ASCC1: variants seen among roughly 807,000 people sequenced by gnomAD.
The protein encoded by ASCC1 is activating signal cointegrator 1 complex subunit 1.
In ASCC1, 35 loss-of-function variants were observed where a neutral mutation model predicts 46.6. The ratio of observed to expected loss-of-function variants is 0.75; its 90% confidence interval spans 0.57 to 0.99. The LOEUF is 0.99. Ranked by LOEUF, ASCC1 falls within the 50% of genes least tolerant of loss-of-function variation. ASCC1 has a pLI of 0.00. For missense variants in ASCC1, 376 were observed against 428.7 expected, an observed-to-expected ratio of 0.88 and a Z score of 1.09; for synonymous variants, 143 against 146.6, an observed-to-expected ratio of 0.98 and a Z score of 0.18.
chr10:72,138,671 T>C (rs771996365), intron 7 of ASCC1, among the ~76,000 whole-genome samples: 3 of 148,754 alleles, frequency 2.0e-5, no homozygotes, highest in Non-Finnish European at 4.5e-5. Context: ...TGGCGCAATC[T>C]TGGCTCACTG....
chr10:72,214,182 G>C (rs1449625708), intron 1 of ASCC1, among the ~76,000 whole-genome samples: 3 of 150,780 alleles, frequency 2.0e-5, no homozygotes, highest in Admixed American at 1.3e-4. Flanking sequence ...GCGAAACCCT[G>C]TCTCTCAAAA....
chr10:72,172,783 TTA>T (rs1014714282), intron 5 of ASCC1, among the ~76,000 whole-genome samples: 1 of 135,626 alleles, frequency 7.4e-6, no homozygotes, highest in Admixed American at 8.3e-5. Context: ...ATTTTTTATA[TTA>T]TATATTATAT....
chr10:72,181,966 G>A (rs187937979), intron 5 of ASCC1, among the ~76,000 whole-genome samples: 4 of 152,276 alleles, frequency 2.6e-5, no homozygotes, highest in African/African-American at 7.2e-5. Flanking sequence ...GATTACAGGT[G>A]TGAGCCACCG....
At chr10:72,110,551 G>A (rs997467719) in intron 9 of ASCC1, among the ~76,000 whole-genome samples, 1 of 152,250 alleles carries the variant, frequency 6.6e-6, no homozygotes, top group African/African-American at 2.4e-5. Context: ...CACTTTGGGA[G>A]GCCGAGGTGG....
intron 3 of ASCC1, among the ~76,000 whole-genome samples, chr10:72,207,372 C>G (rs1276786208): frequency 6.6e-6 from 1 of 152,194 alleles, no homozygotes; most frequent in East Asian, 1.9e-4. Context: ...CCAGATCGTG[C>G]CACTGCACTC....
At chr10:72,193,109 A>G (rs567080972) in intron 5 of ASCC1, among the ~76,000 whole-genome samples, 3 of 152,352 alleles carry the variant, frequency 2.0e-5, no homozygotes, top group Admixed American at 6.5e-5. Context: ...CACCTACCAT[A>G]CATCACAGCA....
chr10:72,166,077 A>T (rs1850299740), intron 5 of ASCC1, among the ~76,000 whole-genome samples: 1 of 152,214 alleles, frequency 6.6e-6, no homozygotes, highest in African/African-American at 2.4e-5. Context: ...AGATGAGGTC[A>T]AAATTCAAAC....
intron 4 of ASCC1, 124 bp downstream of exon 4, chr10:72,203,303 A>G (rs1856759872): frequency 2.5e-6 from 2 of 787,130 alleles, no homozygotes; most frequent in African/African-American, 1.8e-5. Context: ...AAAAAAAAAG[A>G]AAAGAAAAAG....
rs754144855 is a variant in ASCC1, at chr10:72,213,147, C to T, written c.112+40G>A. ...AAAATTGATCCTACAATACACAGGA[C>T]ATTTTACTTCTTATCTGACCAAAGA... On this transcript the variant is annotated intron_variant, in intron 2 of 9. Transcript: ENST00000672957. 22 of 1,366,330 alleles carry T rather than the reference C, an allele frequency of 1.6e-5. No homozygotes were observed. The East Asian group carries it at 4.8e-4, about 30-fold the overall frequency. 84.6% of individuals were successfully genotyped at this position (1,366,330 alleles called of 1,614,324 possible). A position where few individuals can be genotyped will look rare whatever the true frequency, so the allele number is the denominator to read the frequency against.
At chr10:72,197,034 T>C in intron 4 of ASCC1, 45 bp from the exon 5 acceptor site, 1 of 1,603,906 alleles carries the variant, frequency 6.2e-7, no homozygotes, top group Non-Finnish European at 8.5e-7. Flanking sequence ...GACCCCCAAA[T>C]GCTTATAAAA....
chr10:72,110,368 T>C (rs1318425776), intron 9 of ASCC1, among the ~76,000 whole-genome samples: 4 of 152,222 alleles, frequency 2.6e-5, no homozygotes, highest in African/African-American at 9.6e-5. Context: ...TTTGGGAGGC[T>C]GGGCACAAAG....
intron 9 of ASCC1, chr10:72,102,411 A>G (rs1439714446): frequency 3.9e-6 from 6 of 1,549,764 alleles, no homozygotes; most frequent in Non-Finnish European, 5.2e-6. Flanking sequence ...CATCAGAGAC[A>G]CCTGTAGCAC....
Position 72,102,229 on chromosome 10 carries a change from A to G in ASCC1, c.958-4779T>C, listed in dbSNP as rs187745294. The stretch of plus-strand genomic sequence containing the variant: ...CAGTGATGATGGGTCCAATGGGTGT[A>G]TATGAGGCTGCCATTGACAGTAACA... On this transcript the variant is annotated intron_variant, in intron 9 of 9. Transcript: ENST00000672957. 5.1e-5 allele frequency: 48 copies of G among 950,174 alleles called. 1 individual carries two copies. In the East Asian group the frequency reaches 1.3e-3, roughly 26 times the overall value. The allele number at this position is 950,174 out of a possible 1,614,324, so 58.9% of individuals were successfully genotyped here.
chr10:72,131,422 A>T (rs936920900), intron 8 of ASCC1, among the ~76,000 whole-genome samples: 3 of 141,758 alleles, frequency 2.1e-5, no homozygotes, highest in African/African-American at 7.8e-5. Flanking sequence ...CTCCATTTCA[A>T]AAAAATAAAA....
intron 5 of ASCC1, 83 bp downstream of exon 5, chr10:72,196,728 C>T (rs1294052555): frequency 7.3e-7 from 1 of 1,368,074 alleles, no homozygotes; most frequent in Non-Finnish European, 1.0e-6. Context: ...TTTATAACTC[C>T]CTACTGTTTG....
rs3063665 is a variant in ASCC1 at position 72,127,664 on chromosome 10, C to CTTTTTTTT, written c.957+410_957+417dup. Reference sequence around the variant, plus strand: ...AAGTGGTTGGAATACCTAAGGGTTTCTTTTTTTTTTTTTTTCCTAAGTGTT... The same window carrying CTTTTTTTT: ...AAGTGGTTGGAATACCTAAGGGTTTCTTTTTTTTTTTTTTTTTTTTTTTCCTAAGTGTT... On this transcript the variant is annotated intron_variant, in intron 9 of 9. Transcript: ENST00000672957. Among the ~76,000 whole-genome samples, 52 of 129,976 alleles carry CTTTTTTTT rather than the reference C, an allele frequency of 4.0e-4. 2 individuals carry two copies. The highest frequency in any genetic ancestry group is 3.9e-3 in the Middle Eastern group (1 of 254). 85.3% of individuals were successfully genotyped at this position (129,976 alleles called of 152,430 possible).
chr10:72,177,159 G>C (rs1247632574), intron 5 of ASCC1, among the ~76,000 whole-genome samples: 2 of 151,994 alleles, frequency 1.3e-5, no homozygotes, highest in African/African-American at 4.8e-5. Flanking sequence ...ACAAAAACCT[G>C]TTCAAAACTA....
At chr10:72,111,894 G>A (rs182971373) in intron 9 of ASCC1, among the ~76,000 whole-genome samples, 8 of 152,062 alleles carry the variant, frequency 5.3e-5, no homozygotes, top group African/African-American at 1.7e-4. Context: ...CTCCCGCCTC[G>A]GCCTCCCAAA....
chr10:72,199,472 A>G lies in ASCC1; in HGVS notation c.311-2483T>C, dbSNP rs185026742. On this transcript the variant is annotated intron_variant, in intron 4 of 9. Transcript: ENST00000672957. ...ACCACCATGCCCTGCTAATTTTTGT[A>G]TTTTCAGCAGAGACAGGGTTTCACC... Among the ~76,000 whole-genome samples, 152 of 151,536 alleles carry G rather than the reference A, an allele frequency of 1.0e-3. 3 individuals are homozygous for G. Among genetic ancestry groups the G allele is most frequent in the African/African-American group, 3.0e-3 (126 of 41,322 alleles).
Sources: allele counts gnomAD v4.1 joint callset (sites outside exome capture counted in the v4.1 genomes callset), GRCh38; gene constraint gnomAD v4.1.1; transcripts MANE v1.5; gene names NCBI Gene and HGNC (gene_info 2026-07-23, HGNC 2026-07-21).